Variants in FZD3 observed in about 807,000 individuals in gnomAD.
FZD3 encodes the protein frizzled class receptor 3.
FZD3 carries 30 observed loss-of-function variants against 60.7 expected under a neutral mutation model. That is an observed-to-expected ratio of 0.49 (90% CI 0.37 to 0.67). The LOEUF (loss-of-function observed/expected upper bound fraction) is 0.67, where lower values mean the gene tolerates loss of function less well. Ranked by LOEUF, FZD3 falls within the 30% of genes least tolerant of loss-of-function variation. The probability of loss-of-function intolerance (pLI) is 0.00; values close to 1 mark genes in which losing one functional copy is unlikely to be tolerated. For synonymous variants in FZD3, 246 were observed against 275.2 expected, an observed-to-expected ratio of 0.89 and a Z score of 1.05; for missense variants, 605 against 838.7, an observed-to-expected ratio of 0.72 and a Z score of 3.44.
Position 28,569,722 on chromosome 8 carries a change from G to A in FZD3, c.*6711G>A, listed in dbSNP as rs1805771670. 1 of 152,102 alleles carries A rather than the reference G, an allele frequency of 6.6e-6. No individual in the cohort carries two copies. Among genetic ancestry groups the A allele is most frequent in the Non-Finnish European group, 1.5e-5 (1 of 68,016 alleles). The allele number at this position is 152,102 out of a possible 1,614,324, so 9.4% of individuals were successfully genotyped here. On this transcript the variant is annotated 3_prime_UTR_variant, in exon 8 of 8. Transcript: ENST00000240093. ...TTACAGATAATAAAAATGAAAGAAA[G>A]TTATAAATATTGGACATGGCTTTTT...
chr8:28,520,728 C>A lies in FZD3; in HGVS notation c.280C>A (p.Arg94Ser), dbSNP rs748470823. Residue 94 changes from arginine (R) to serine (S), a missense_variant, in exon 4 of 8, where the codon CGT becomes AGT. By Grantham distance (110) the Arg-to-Ser change is moderately radical. Coordinates refer to ENST00000240093, the MANE Select transcript of FZD3 (RefSeq NM_017412.4). ...LYAPICMEYG[R>S]VTLPCRRLCQ... ...CGCTCCTATTTGTATGGAATATGGA[C>A]GTGTCACACTTCCCTGTCGTAGGCT... 6.2e-7 allele frequency: 1 copy of A among 1,611,280 alleles called. No individual in the cohort carries two copies. Among genetic ancestry groups the A allele is most frequent in the Admixed American group, 1.7e-5 (1 of 59,928 alleles).
chr8:28,562,002 T>TG (rs1805621510), intron 7 of FZD3, among the ~76,000 whole-genome samples: 1 of 152,162 alleles, frequency 6.6e-6, no homozygotes, highest in Non-Finnish European at 1.5e-5. Context: ...ACAGCCCCAC[T>TG]GCTGCTTTTC....
chr8:28,507,040 A>G (rs1314782719), intron 3 of FZD3, among the ~76,000 whole-genome samples: 3 of 152,192 alleles, frequency 2.0e-5, no homozygotes, highest in East Asian at 1.9e-4. Context: ...ATATTTTGTT[A>G]TATACCTCCG....
intron 6 of FZD3, among the ~76,000 whole-genome samples, chr8:28,554,950 T>TACTTTAC (rs1805480328): frequency 6.6e-6 from 1 of 152,156 alleles, no homozygotes; most frequent in Non-Finnish European, 1.5e-5. Flanking sequence ...TCCAAGACAC[T>TACTTTAC]AACCTTTACA....
At chr8:28,559,574 C>T (rs1221075371) in intron 7 of FZD3, among the ~76,000 whole-genome samples, 1 of 152,054 alleles carries the variant, frequency 6.6e-6, no homozygotes, top group Non-Finnish European at 1.5e-5. Context: ...ATGCAAGAGC[C>T]AGAATGACAG....
At chr8:28,540,970 A>G (rs568540338) in intron 5 of FZD3, among the ~76,000 whole-genome samples, 4 of 152,220 alleles carry the variant, frequency 2.6e-5, no homozygotes, top group African/African-American at 4.8e-5. Context: ...TCAGTTTATT[A>G]TAGGGCTTTT....
chr8:28,510,124 T>G (rs201149955), intron 3 of FZD3, among the ~76,000 whole-genome samples: 7 of 101,602 alleles, frequency 6.9e-5, no homozygotes, highest in African/African-American at 2.5e-4. Context: ...TTTTGTTTTT[T>G]TGTTTTTTGT....
rs919477396 is a variant in FZD3, at chr8:28,566,555, G to A, written c.*3544G>A. The A allele has an allele frequency of 5.3e-5, 8 of 152,076 alleles. No individual in the cohort carries two copies. Among genetic ancestry groups the A allele is most frequent in the Non-Finnish European group, 1.0e-4 (7 of 67,980 alleles). The allele number at this position is 152,076 out of a possible 1,614,324, so 9.4% of individuals were successfully genotyped here. A position where few individuals can be genotyped will look rare whatever the true frequency, so the allele number is the denominator to read the frequency against. On this transcript the variant is annotated 3_prime_UTR_variant, in exon 8 of 8. Transcript: ENST00000240093. Reference sequence around the variant, plus strand: ...TAACCTACCTCATCAGTTTCTTTGTGATAATAGCTGAAAATAACTCAAACT... The same window carrying A: ...TAACCTACCTCATCAGTTTCTTTGTAATAATAGCTGAAAATAACTCAAACT...
intron 3 of FZD3, among the ~76,000 whole-genome samples, chr8:28,516,439 G>A (rs1316273163): frequency 1.3e-5 from 2 of 152,148 alleles, no homozygotes; most frequent in East Asian, 1.9e-4. Flanking sequence ...ACAACAGAAG[G>A]CCGTTGGGAT....
At chr8:28,538,463 T>G (rs1243840528) in intron 5 of FZD3, among the ~76,000 whole-genome samples, 1 of 152,148 alleles carries the variant, frequency 6.6e-6, no homozygotes, top group African/African-American at 2.4e-5. Context: ...GTTTTACAAA[T>G]GAGAAAACTT....
intron 5 of FZD3, among the ~76,000 whole-genome samples, chr8:28,530,142 T>TGTGTGTGTGTG (rs1804830155): frequency 1.8e-5 from 2 of 110,176 alleles, no homozygotes; most frequent in South Asian, 2.9e-4. Context: ...TGTGTGTGTG[T>TGTGTGTGTGTG]TGGGGGGGAT....
At chr8:28,540,922 G>A (rs1563399487) in intron 5 of FZD3, among the ~76,000 whole-genome samples, 2 of 152,148 alleles carry the variant, frequency 1.3e-5, no homozygotes, top group Non-Finnish European at 2.9e-5. Flanking sequence ...CTCCAGCCTG[G>A]GCGACAGAGT....
chr8:28,519,094 A>G (rs1011354711), intron 3 of FZD3, among the ~76,000 whole-genome samples: 2 of 152,088 alleles, frequency 1.3e-5, no homozygotes, highest in Admixed American at 1.3e-4. Context: ...TCTATAAGTG[A>G]CTCTTGATTT....
At chr8:28,516,199 G>A (rs149871807) in intron 3 of FZD3, among the ~76,000 whole-genome samples, 105 of 152,282 alleles carry the variant, frequency 6.9e-4, no homozygotes, top group African/African-American at 2.4e-3. Flanking sequence ...TGTTGAAAAT[G>A]AATTGGCCAT....
rs529417112 is a variant in FZD3, at chr8:28,510,962, G to A, written c.189+7760G>A. On this transcript the variant is annotated intron_variant, in intron 3 of 7. Coordinates refer to ENST00000240093, the MANE Select transcript of FZD3 (RefSeq NM_017412.4). ...TAAGACAGGAGAATTGCTTGAACCC[G>A]GGAGGCAGAGGTTGCAGTGAGCCGA... Among the ~76,000 whole-genome samples, 7 of 152,134 alleles carry A rather than the reference G, an allele frequency of 4.6e-5. No homozygotes were observed. The South Asian group carries it at 6.2e-4, about 14-fold the overall frequency.
chr8:28,504,675 A>G (rs1210201812), intron 3 of FZD3, among the ~76,000 whole-genome samples: 2 of 152,188 alleles, frequency 1.3e-5, no homozygotes, highest in East Asian at 1.9e-4. Flanking sequence ...TAAATAAGAG[A>G]TTTATGAAGT....
chr8:28,523,483 G>T (rs777144040), intron 4 of FZD3, among the ~76,000 whole-genome samples: 3 of 151,908 alleles, frequency 2.0e-5, no homozygotes, highest in Non-Finnish European at 4.4e-5. Context: ...AGGCTGGAGT[G>T]CAGGGGCACA....
chr8:28,499,931 AG>A lies in FZD3; in HGVS notation c.-390del, dbSNP rs1166874101. 1.3e-5 allele frequency: 2 copies of A among 152,152 alleles called. No homozygotes were observed. Among genetic ancestry groups the A allele is most frequent in the African/African-American group, 4.8e-5 (2 of 41,426 alleles). The allele number at this position is 152,152 out of a possible 1,614,324, so 9.4% of individuals were successfully genotyped here. On this transcript the variant is annotated splice_acceptor_variant, in intron 1 of 7. Coordinates refer to ENST00000240093, the MANE Select transcript of FZD3 (RefSeq NM_017412.4). LOFTEE classifies it low-confidence loss of function (5UTR_SPLICE). ...TTATTCTTTTTAATTATTCTGTTCT[AG>A]GATAGCATTTCTCAAGACCTGACTT...
intron 7 of FZD3, among the ~76,000 whole-genome samples, chr8:28,560,659 C>G (rs113228606): frequency 6.6e-6 from 1 of 152,002 alleles, no homozygotes; most frequent in Admixed American, 6.6e-5. Context: ...ACTAGAAAAC[C>G]GCATCATATT....
Sources: gnomAD v4.1 joint callset for allele counts (sites outside exome capture counted in the v4.1 genomes callset) on GRCh38, gnomAD v4.1.1 for gene constraint, MANE v1.5 for transcripts, NCBI Gene and HGNC (gene_info 2026-07-23, HGNC 2026-07-21) for gene names.